SNHG17: variants seen among roughly 807,000 people sequenced by gnomAD.
SNHG17 encodes small nucleolar RNA host gene 17 (non-protein coding).
intron 5 of SNHG17, among the ~76,000 whole-genome samples, chr20:38,423,301 G>C (rs2084189615): frequency 6.6e-6 from 1 of 150,440 alleles, no homozygotes; most frequent in South Asian, 2.1e-4. Flanking sequence ...GGGAAATGAG[G>C]TGGGAGGGTC....
intron 5 of SNHG17, chr20:38,425,122 T>C: frequency 2.2e-6 from 1 of 455,224 alleles, no homozygotes; most frequent in South Asian, 1.6e-5. Context: ...CCTGGTGCCA[T>C]CCCTAATGAG....
At chr20:38,427,284 G>A (rs1326616493) in intron 3 of SNHG17, 1 of 485,792 alleles carries the variant, frequency 2.1e-6, no homozygotes, top group African/African-American at 2.0e-5. Context: ...GACTCCTCAA[G>A]GGCTGGCAGG....
At chr20:38,421,236 G>C (rs1175211443) in intron 6 of SNHG17, 2 of 152,202 alleles carry the variant, frequency 1.3e-5, no homozygotes, top group Non-Finnish European at 2.9e-5. Flanking sequence ...AATCCCAACA[G>C]AAAGGACATG....
intron 2 of SNHG17, chr20:38,434,023 G>A (rs370857891): frequency 1.5e-5 from 8 of 517,434 alleles, no homozygotes; most frequent in Admixed American, 1.9e-5. Flanking sequence ...GTGAGCCCAC[G>A]TCAGCGTGTT....
intron 3 of SNHG17, chr20:38,429,617 C>A (rs1370599886): frequency 3.7e-5 from 17 of 461,638 alleles, no homozygotes; most frequent in Non-Finnish European, 2.1e-5. Flanking sequence ...ACACAACCCA[C>A]TAGATGATGC....
exon 1 of SNHG17, chr20:38,435,241 G>C: frequency 8.1e-7 from 1 of 1,232,010 alleles, no homozygotes; most frequent in Non-Finnish European, 1.0e-6. Flanking sequence ...GACAGACAGC[G>C]TGGGAAAAAT....
At chr20:38,425,993 C>A (rs1453689166) in exon 5 of SNHG17, 1 of 148,030 alleles carries the variant, frequency 6.8e-6, no homozygotes, top group Non-Finnish European at 1.5e-5. Flanking sequence ...CAGGTCGAGG[C>A]TGCAGTGAGC....
intron 3 of SNHG17, among the ~76,000 whole-genome samples, chr20:38,430,222 G>C (rs2122717542): frequency 6.6e-6 from 1 of 152,306 alleles, no homozygotes; most frequent in East Asian, 1.9e-4. Context: ...TCGGGAGGAT[G>C]AGGCAGGAGA....
intron 5 of SNHG17, among the ~76,000 whole-genome samples, chr20:38,424,065 G>A (rs569971125): frequency 2.6e-5 from 4 of 151,990 alleles, no homozygotes; most frequent in East Asian, 3.9e-4. Flanking sequence ...CCAGCTACTC[G>A]GAGGCTGAGG....
At chr20:38,429,753 A>G (rs779029003) in intron 3 of SNHG17, 2 of 517,138 alleles carry the variant, frequency 3.9e-6, no homozygotes, top group Non-Finnish European at 7.7e-6. Flanking sequence ...CTCTCCCTGC[A>G]CTACCAATGA....
At chr20:38,425,822 C>G (rs2084237226) in intron 5 of SNHG17, 1 of 153,244 alleles carries the variant, frequency 6.5e-6, no homozygotes, top group South Asian at 2.0e-4. Flanking sequence ...CTTTGGGAAG[C>G]CAAGGTGGAA....
At chr20:38,434,375 G>A in intron 2 of SNHG17, 1 of 228,232 alleles carries the variant, frequency 4.4e-6, no homozygotes, top group Non-Finnish European at 8.8e-6. Context: ...CCTAAGTCAC[G>A]CTTTGCTCTG....
At chr20:38,427,710 C>A (rs1342772569) in intron 3 of SNHG17, 3 of 162,052 alleles carry the variant, frequency 1.9e-5, no homozygotes, top group Non-Finnish European at 4.0e-5. Context: ...AATTGAGATT[C>A]AAAACAGGTC....
At chr20:38,427,198 G>A (rs1402700332) in intron 3 of SNHG17, 1 of 348,764 alleles carries the variant, frequency 2.9e-6, no homozygotes, top group African/African-American at 2.1e-5. Context: ...TTTCTGCAAA[G>A]AGAGGTCAAG....
chr20:38,432,406 T>C (rs1255935260), intron 2 of SNHG17, among the ~76,000 whole-genome samples: 2 of 152,182 alleles, frequency 1.3e-5, no homozygotes, highest in Non-Finnish European at 2.9e-5. Context: ...GTAAGGGCTA[T>C]GATGGGCAGG....
chr20:38,434,022 C>A (rs763118808), intron 2 of SNHG17: 2 of 517,516 alleles, frequency 3.9e-6, no homozygotes, highest in South Asian at 1.4e-5. Context: ...GGTGAGCCCA[C>A]GTCAGCGTGT....
intron 5 of SNHG17, among the ~76,000 whole-genome samples, chr20:38,424,629 G>A (rs762371489): frequency 6.6e-6 from 1 of 152,204 alleles, no homozygotes; most frequent in Non-Finnish European, 1.5e-5. Flanking sequence ...GCACTGCCCT[G>A]AGGAAGCTCA....
intron 3 of SNHG17, chr20:38,428,185 G>A (rs1305097017): frequency 1.3e-5 from 2 of 152,186 alleles, no homozygotes; most frequent in African/African-American, 4.8e-5. Context: ...ATGACATGCT[G>A]CTAATGCACT....
At chr20:38,434,512 ATT>A (rs1405419403) in exon 2 of SNHG17, 1 of 166,978 alleles carries the variant, frequency 6.0e-6, no homozygotes, top group African/African-American at 2.4e-5. Flanking sequence ...ACCCAGGGGC[ATT>A]CTCACCCCGC....
Sources: allele counts gnomAD v4.1 joint callset (sites outside exome capture counted in the v4.1 genomes callset), GRCh38; gene constraint gnomAD v4.1.1; transcripts MANE v1.5; gene names NCBI Gene and HGNC (gene_info 2026-07-23, HGNC 2026-07-21).